ING5: variants seen among roughly 807,000 people sequenced by gnomAD.
The protein encoded by ING5 is inhibitor of growth family member 5, also known as inhibitor of growth protein 5.
A neutral mutation model predicts 37.4 loss-of-function variants in ING5; 17 were observed. The observed-to-expected ratio is 0.45, with a 90% CI of 0.31 to 0.68. The LOEUF is 0.68. ING5 is among the 30% of genes least tolerant of loss of function. The pLI is 0.05. For synonymous variants in ING5, 123 were observed against 116.6 expected (o/e 1.06, Z -0.36); for missense variants, 233 against 311.9 (o/e 0.75, Z 1.91).
intron 5 of ING5, chr2:241,721,233 G>C: frequency 1.0e-6 from 1 of 985,660 alleles, no homozygotes; most frequent in Non-Finnish European, 1.2e-6. Flanking sequence ...GCAGGAGGCT[G>C]AGACGTAGAC....
At position 241,714,100 on chromosome 2, in the gene ING5, G is replaced by C. The variant is rs150979170; in HGVS notation, c.482+2029G>C. Among the ~76,000 whole-genome samples the C allele has an allele frequency of 2.6e-5, 4 of 152,154 alleles. No homozygotes were observed. The East Asian group carries it at 7.7e-4, about 29-fold the overall frequency. ...TAATTTCCGTAAAGTGAAGATCTTT[G>C]TAAGTAGCACCTAGTCAGTGATTAA... On this transcript the variant is annotated intron_variant, in intron 5 of 7. Coordinates refer to ENST00000313552, the MANE Select transcript of ING5 (RefSeq NM_032329.6).
Position 241,709,196 on chromosome 2 carries a change from T to G in ING5, c.110-20T>G. On this transcript the variant is annotated intron_variant, in intron 2 of 7. Transcript: ENST00000313552. ...ATGGTGTCTTGTGCAGGGCTAGCTT[T>G]TCCCCCATTTCTCCATCAGATAAGA... 1 of 1,603,724 alleles carries G rather than the reference T, an allele frequency of 6.2e-7. No individual in the cohort carries two copies. The highest frequency in any genetic ancestry group is 8.5e-7 in the Non-Finnish European group (1 of 1,173,952).
intron 5 of ING5, among the ~76,000 whole-genome samples, chr2:241,715,808 A>G (rs1249961055): frequency 6.9e-6 from 1 of 145,674 alleles, no homozygotes; most frequent in African/African-American, 2.6e-5. Context: ...TTTTCATGCT[A>G]CTTCTTTGCC....
At chr2:241,688,886 C>T (rs1025902833) in intron 1 of ING5, among the ~76,000 whole-genome samples, 3 of 152,002 alleles carry the variant, frequency 2.0e-5, no homozygotes, top group Non-Finnish European at 4.4e-5. Context: ...GCAAGCTCCA[C>T]CTCCCGAGTT....
intron 4 of ING5, 73 bp from the exon 5 acceptor site, chr2:241,711,905 A>T: frequency 1.5e-6 from 2 of 1,375,722 alleles, no homozygotes; most frequent in Non-Finnish European, 9.9e-7. Context: ...ACCCCTTTTT[A>T]AAAACAAAAC....
chr2:241,725,136 T>G lies in ING5; in HGVS notation c.*105T>G. The G allele has an allele frequency of 8.2e-7, 1 of 1,216,356 alleles. No homozygotes were observed. The highest frequency in any genetic ancestry group is 1.2e-6 in the Non-Finnish European group (1 of 826,984). 75.3% of individuals were successfully genotyped at this position (1,216,356 alleles called of 1,614,324 possible). A position where few individuals can be genotyped will look rare whatever the true frequency, so the allele number is the denominator to read the frequency against. Reference sequence around the variant, plus strand: ...ACTACCTTGTTCGGTTGATACTTAGTAACTCCGTGGCCAGTTGAAGCGCTG... The same window carrying G: ...ACTACCTTGTTCGGTTGATACTTAGGAACTCCGTGGCCAGTTGAAGCGCTG... On this transcript the variant is annotated 3_prime_UTR_variant, in exon 8 of 8. Transcript: ENST00000313552.
intron 5 of ING5, chr2:241,719,693 C>A: frequency 6.6e-7 from 1 of 1,519,810 alleles, no homozygotes; most frequent in South Asian, 1.2e-5. Flanking sequence ...GGGGTCGGGG[C>A]TTCCTCCCTG....
upstream of ING5, among the ~76,000 whole-genome samples, chr2:241,698,568 T>G (rs1190944442): frequency 6.6e-6 from 1 of 151,740 alleles, no homozygotes; most frequent in African/African-American, 2.4e-5. Context: ...CTACTTTCTC[T>G]TCAACTTTTC....
At chr2:241,718,491 A>T (rs1575137419) in intron 5 of ING5, among the ~76,000 whole-genome samples, 1 of 140,254 alleles carries the variant, frequency 7.1e-6, no homozygotes. Flanking sequence ...ATCTTGGCTC[A>T]CTGCAAGCTC....
chr2:241,716,179 G>C lies in ING5; in HGVS notation c.482+4108G>C, dbSNP rs143387861. Among the ~76,000 whole-genome samples, 143 of 150,340 alleles carry C rather than the reference G, an allele frequency of 9.5e-4. 1 individual carries two copies. The highest frequency in any genetic ancestry group is 1.5e-3 in the Non-Finnish European group (100 of 67,634). On this transcript the variant is annotated intron_variant, in intron 5 of 7. Coordinates refer to ENST00000313552, the MANE Select transcript of ING5 (RefSeq NM_032329.6). The stretch of plus-strand genomic sequence containing the variant: ...ATTTAGGTTCACCATCTTGCTATTA[G>C]TTTTCTGTTTGTTCCTTCTGCTCCT...
At chr2:241,702,320 C>T (rs1358453757) in intron 1 of ING5, among the ~76,000 whole-genome samples, 1 of 150,202 alleles carries the variant, frequency 6.7e-6, no homozygotes, top group African/African-American at 2.4e-5. Flanking sequence ...CTGGGTCGCG[C>T]CAATTCCAGG....
intron 5 of ING5, among the ~76,000 whole-genome samples, chr2:241,716,890 G>C (rs2070287896): frequency 6.6e-6 from 1 of 152,162 alleles, no homozygotes; most frequent in South Asian, 2.1e-4. Context: ...GGGGTGGTCA[G>C]GGGAGACGTT....
At chr2:241,689,437 A>G (rs1311626118) in intron 1 of ING5, among the ~76,000 whole-genome samples, 1 of 152,172 alleles carries the variant, frequency 6.6e-6, no homozygotes, top group African/African-American at 2.4e-5. Context: ...CGTCAAGCTT[A>G]GTGGTGAGAC....
At position 241,727,818 on chromosome 2, in the gene ING5, G is replaced by A. The variant is rs1209417796; in HGVS notation, c.*2787G>A. 6.6e-6 allele frequency: 1 copy of A among 152,210 alleles called. No homozygotes were observed. Among genetic ancestry groups the A allele is most frequent in the African/African-American group, 2.4e-5 (1 of 41,452 alleles). The allele number at this position is 152,210 out of a possible 1,614,324, so 9.4% of individuals were successfully genotyped here. A position where few individuals can be genotyped will look rare whatever the true frequency, so the allele number is the denominator to read the frequency against. On this transcript the variant is annotated 3_prime_UTR_variant, in exon 8 of 8. Transcript: ENST00000313552. ...ACCCCTGGAAAGCGCTGGGGTTGTT[G>A]ATGCTTTTGGCTGCCCGGCTTCCTG...
chr2:241,700,376 C>T (rs537923190), upstream of ING5, among the ~76,000 whole-genome samples: 1 of 151,766 alleles, frequency 6.6e-6, no homozygotes, highest in African/African-American at 2.4e-5. Context: ...GCAGGATGGT[C>T]TCAATCTCCT....
chr2:241,699,966 A>G (rs1425415227), upstream of ING5, among the ~76,000 whole-genome samples: 2 of 151,052 alleles, frequency 1.3e-5, no homozygotes, highest in Non-Finnish European at 2.9e-5. Flanking sequence ...AAAGACTAAT[A>G]TTTAAACACT....
At chr2:241,687,058 C>T (rs959247108), upstream of ING5, 4 of 417,848 alleles carry the variant, frequency 9.6e-6, no homozygotes, top group African/African-American at 2.1e-5. Context: ...CGAGCAGGGC[C>T]CTTCGCTCCG....
Position 241,727,639 on chromosome 2 carries a change from A to C in ING5, c.*2608A>C, listed in dbSNP as rs1013008581. 9.2e-5 allele frequency: 14 copies of C among 152,276 alleles called. No individual in the cohort carries two copies. The highest frequency in any genetic ancestry group is 3.4e-4 in the African/African-American group (14 of 41,468). 9.4% of individuals were successfully genotyped at this position (152,276 alleles called of 1,614,324 possible). On this transcript the variant is annotated 3_prime_UTR_variant, in exon 8 of 8. Coordinates refer to ENST00000313552, the MANE Select transcript of ING5 (RefSeq NM_032329.6). ...CAACACAGATGTTTATTGATCGTGG[A>C]GGATACATTGTGGAAAATGTTTTTC...
At position 241,725,314 on chromosome 2, in the gene ING5, G is replaced by C; in HGVS notation, c.*283G>C. The C allele has an allele frequency of 8.8e-6, 4 of 454,734 alleles. No homozygotes were observed. The South Asian group carries it at 9.0e-5, about 10-fold the overall frequency. 28.2% of individuals were successfully genotyped at this position (454,734 alleles called of 1,614,324 possible). ...GACGTGGGCGGGCGCGCGTGAGCTC[G>C]GGCTGCCCGGCCGGGCGTGCGGGCG... On this transcript the variant is annotated 3_prime_UTR_variant, in exon 8 of 8. Coordinates refer to ENST00000313552, the MANE Select transcript of ING5 (RefSeq NM_032329.6).
Sources: gnomAD v4.1 joint callset for allele counts (sites outside exome capture counted in the v4.1 genomes callset) on GRCh38, gnomAD v4.1.1 for gene constraint, MANE v1.5 for transcripts, NCBI Gene and HGNC (gene_info 2026-07-23, HGNC 2026-07-21) for gene names.